CLYBL: variants seen among roughly 807,000 people sequenced by gnomAD.
CLYBL encodes the protein citramalyl-CoA lyase, mitochondrial.
In CLYBL, 31 loss-of-function variants were observed where a neutral mutation model predicts 38.9. The observed-to-expected ratio is 0.80, with a 90% CI of 0.60 to 1.08. The LOEUF is 1.08. CLYBL is among the 50% of genes least tolerant of loss of function. CLYBL has a pLI of 0.00. For missense variants in CLYBL, 434 were observed against 411.6 expected (o/e 1.05, Z -0.47); for synonymous variants, 171 against 158.6 (o/e 1.08, Z -0.59).
In CLYBL at chr13:99,716,169, A is replaced by ATTTTTTTT; in HGVS notation, c.63-56624_63-56617dup. Among the ~76,000 whole-genome samples the ATTTTTTTT allele has an allele frequency of 6.2e-3, 206 of 33,454 alleles. 72 individuals carry two copies. Among genetic ancestry groups the ATTTTTTTT allele is most frequent in the Non-Finnish European group, 7.3e-3 (120 of 16,378 alleles). The allele number at this position is 33,454 out of a possible 152,430, so 21.9% of individuals were successfully genotyped here. On this transcript the variant is annotated intron_variant, in intron 1 of 8. Coordinates refer to ENST00000339105, the MANE Select transcript of CLYBL (RefSeq NM_206808.5). ...AAATTGTCCTTGCTTTATTGGTGTA[A>ATTTTTTTT]TTTTTTTTTTTTTTTTTTTTTTTTT...
intron 1 of CLYBL, among the ~76,000 whole-genome samples, chr13:99,644,122 A>G (rs2047138001): frequency 6.6e-6 from 1 of 151,458 alleles, no homozygotes; most frequent in East Asian, 1.9e-4. Context: ...ATGTATGTAT[A>G]TGTGGTGTAT....
At chr13:99,748,445 T>TGA (rs1175810683) in intron 1 of CLYBL, among the ~76,000 whole-genome samples, 2 of 119,260 alleles carry the variant, frequency 1.7e-5, no homozygotes. Context: ...TTTTTTTTTT[T>TGA]TTTTTTTTTT....
intron 1 of CLYBL, among the ~76,000 whole-genome samples, chr13:99,646,374 G>A (rs2047176133): frequency 1.3e-5 from 2 of 152,164 alleles, no homozygotes; most frequent in Admixed American, 1.3e-4. Flanking sequence ...TGAAAGGGAG[G>A]GTTAATGAGG....
intron 1 of CLYBL, among the ~76,000 whole-genome samples, chr13:99,635,205 G>C (rs184648855): frequency 1.1e-4 from 16 of 152,080 alleles, no homozygotes; most frequent in African/African-American, 3.6e-4. Context: ...TTAGGTCTTC[G>C]TAATGAAATG....
intron 1 of CLYBL, among the ~76,000 whole-genome samples, chr13:99,702,546 C>T (rs1370815825): frequency 6.6e-6 from 1 of 150,850 alleles, no homozygotes; most frequent in Non-Finnish European, 1.5e-5. Flanking sequence ...GCAGGAGAGT[C>T]GCTTGAACCT....
chr13:99,795,388 T>C (rs1161785058), intron 2 of CLYBL, among the ~76,000 whole-genome samples: 1 of 152,096 alleles, frequency 6.6e-6, no homozygotes, highest in Non-Finnish European at 1.5e-5. Flanking sequence ...GGATAGTGGC[T>C]CACACCTGTA....
At chr13:99,780,530 GCCACCACA>G (rs1345983741) in intron 2 of CLYBL, among the ~76,000 whole-genome samples, 5 of 151,826 alleles carry the variant, frequency 3.3e-5, no homozygotes, top group Non-Finnish European at 5.9e-5. Context: ...ACAGGCGCCT[GCCACCACA>G]CCTGGCTAAT....
chr13:99,740,357 T>TCATGACAAA (rs2048733058), intron 1 of CLYBL, among the ~76,000 whole-genome samples: 1 of 152,224 alleles, frequency 6.6e-6, no homozygotes. Context: ...GTCCTGTACC[T>TCATGACAAA]TGCAGGGCAA....
At chr13:99,704,477 A>G (rs2048116554) in intron 1 of CLYBL, among the ~76,000 whole-genome samples, 1 of 152,206 alleles carries the variant, frequency 6.6e-6, no homozygotes, top group Non-Finnish European at 1.5e-5. Flanking sequence ...ATTGCAAACT[A>G]ATTTGGATGC....
At chr13:99,686,297 T>G (rs1338846796) in intron 1 of CLYBL, among the ~76,000 whole-genome samples, 1 of 152,192 alleles carries the variant, frequency 6.6e-6, no homozygotes, top group Non-Finnish European at 1.5e-5. Context: ...TGGGCCTGAC[T>G]CGCAGGAGCC....
rs546024500 is a variant in CLYBL at position 99,823,825 on chromosome 13, C to T, written c.250-35036C>T. Among the ~76,000 whole-genome samples the T allele has an allele frequency of 3.3e-5, 5 of 152,268 alleles. No homozygotes were observed. The East Asian group carries it at 7.7e-4, about 23-fold the overall frequency. On this transcript the variant is annotated intron_variant, in intron 2 of 8. Transcript: ENST00000339105. ...GTAACCTATATGTTCTATTTTTCCC[C>T]AACAAGTTGTCATCCACTGCTCCAT...
chr13:99,689,989 C>T (rs1323740230), intron 1 of CLYBL: 3 of 152,188 alleles, frequency 2.0e-5, no homozygotes, highest in African/African-American at 7.2e-5. Context: ...TAGGTTACAT[C>T]CTCTGAGCAG....
At chr13:99,624,128 C>T (rs1400811695) in intron 1 of CLYBL, among the ~76,000 whole-genome samples, 1 of 131,294 alleles carries the variant, frequency 7.6e-6, no homozygotes, top group Non-Finnish European at 1.7e-5. Flanking sequence ...CCTCCCTTCC[C>T]TGCCTTTTTC....
In CLYBL at chr13:99,863,035, A is replaced by T. The variant is rs572058696; in HGVS notation, c.483A>T (p.Glu161Asp). Residue 161 changes from glutamate to aspartate, a missense_variant, in exon 4 of 9, where the codon GAA becomes GAT. Coordinates refer to ENST00000339105, the MANE Select transcript of CLYBL (RefSeq NM_206808.5). Reference sequence around the variant, plus strand: ...TCCACTTAAAAGGCCGAAAACTTGAACAACCAATGAATTTAATCCCTTTTG... The same window carrying T: ...TCCACTTAAAAGGCCGAAAACTTGATCAACCAATGAATTTAATCCCTTTTG... Reference protein sequence around the residue: ...FSFHLKGRKLEQPMNLIPFVE... With the variant: ...FSFHLKGRKLDQPMNLIPFVE... The T allele has an allele frequency of 6.2e-7, 1 of 1,611,792 alleles. No individual in the cohort carries two copies. Among genetic ancestry groups the T allele is most frequent in the East Asian group, 2.2e-5 (1 of 44,720 alleles).
At chr13:99,676,718 C>T (rs1021922290) in intron 1 of CLYBL, among the ~76,000 whole-genome samples, 6 of 152,090 alleles carry the variant, frequency 3.9e-5, no homozygotes, top group Admixed American at 6.5e-5. Context: ...CTCAGCCTCC[C>T]GAGTAGCTGG....
chr13:99,626,094 C>T (rs569492979), intron 1 of CLYBL, among the ~76,000 whole-genome samples: 4 of 152,244 alleles, frequency 2.6e-5, no homozygotes, highest in East Asian at 3.9e-4. Context: ...TTGACTGAAA[C>T]GAAGATGCCA....
At chr13:99,657,058 G>A (rs142894659) in intron 1 of CLYBL, among the ~76,000 whole-genome samples, 139 of 152,328 alleles carry the variant, frequency 9.1e-4, no homozygotes, top group Non-Finnish European at 1.6e-3. Flanking sequence ...TCTTAGCTGC[G>A]TGGACATCTT....
At chr13:99,639,880 T>C (rs557562499) in intron 1 of CLYBL, among the ~76,000 whole-genome samples, 8 of 152,268 alleles carry the variant, frequency 5.3e-5, no homozygotes, top group African/African-American at 1.9e-4. Context: ...CTGGGCAACA[T>C]AGCAAGACAT....
chr13:99,788,639 A>G (rs1036018747), intron 2 of CLYBL, among the ~76,000 whole-genome samples: 3 of 152,184 alleles, frequency 2.0e-5, no homozygotes, highest in Admixed American at 1.3e-4. Flanking sequence ...GATGTTCATC[A>G]GGGATTTTGG....
Sources: allele counts gnomAD v4.1 joint callset (sites outside exome capture counted in the v4.1 genomes callset), GRCh38; gene constraint gnomAD v4.1.1; transcripts MANE v1.5; gene names NCBI Gene and HGNC (gene_info 2026-07-23, HGNC 2026-07-21).